Variants in NEK8 observed in about 807,000 individuals in gnomAD.
NEK8 encodes the protein serine/threonine-protein kinase Nek8.
A neutral mutation model predicts 77.2 loss-of-function variants in NEK8; 51 were observed. The observed-to-expected ratio is 0.66, with a 90% CI of 0.53 to 0.83. The LOEUF is 0.83. Among genes scored for constraint, NEK8 ranks in the 40% least tolerant of loss-of-function variants. NEK8 has a pLI of 0.00. For synonymous variants in NEK8, 365 were observed against 363.2 expected, an observed-to-expected ratio of 1.00 and a Z score of -0.06; for missense variants, 787 against 909.2, an observed-to-expected ratio of 0.87 and a Z score of 1.73.
Position 28,740,620 on chromosome 17 carries a change from A to G in NEK8, c.1568+7A>G. On this transcript the variant is annotated splice_region_variant and intron_variant, in intron 11 of 14. Coordinates refer to ENST00000268766, the MANE Select transcript of NEK8 (RefSeq NM_178170.3). This position sits in a 1 kb window ranked among gnomAD's most constrained non-coding sequence, Gnocchi z 4.7. ...TAGCCTGTGGGAGCAACAGGTGAAT[A>G]GATCATCAGGATGACTAACCTGCCC... 1 of 1,614,114 alleles carries G rather than the reference A, an allele frequency of 6.2e-7. No homozygotes were observed. Among genetic ancestry groups the G allele is most frequent in the Non-Finnish European group, 8.5e-7 (1 of 1,179,976 alleles).
rs786204782 is a variant in NEK8, at chr17:28,728,858, CG to C, written c.47+1del. The C allele has an allele frequency of 2.5e-5, 39 of 1,550,770 alleles. No individual in the cohort carries two copies. Among genetic ancestry groups the C allele is most frequent in the Non-Finnish European group, 3.1e-5 (36 of 1,146,282 alleles). ...RIRVVGRGAFGIVHLCLRKAD... is the reference protein window; with the variant it reads ...RIRVVGRGAFXIVHLCLRKAD... ...TCCGAGTGGTGGGGAGAGGTGCCTT[CG>C]GGTGAGCCAGGGCTCTGGGGGAGGA... On this transcript the variant is annotated frameshift_variant and splice_region_variant, in exon 1 of 15. Transcript: ENST00000268766. LOFTEE classifies it high-confidence loss of function.
At chr17:28,731,907 A>ATTT (rs2034311291) in intron 1 of NEK8, among the ~76,000 whole-genome samples, 2 of 85,954 alleles carry the variant, frequency 2.3e-5, no homozygotes, top group African/African-American at 4.8e-5. Flanking sequence ...GCCTGGCCCC[A>ATTT]ATTTTTTTTT....
intron 1 of NEK8, among the ~76,000 whole-genome samples, chr17:28,731,871 C>T (rs535366756): frequency 4.6e-4 from 66 of 144,870 alleles, no homozygotes; most frequent in Non-Finnish European, 8.5e-4. Context: ...TCCCAAAGGC[C>T]TGGGATTACA....
In NEK8 at chr17:28,739,139, C is replaced by A; in HGVS notation, c.1355C>A (p.Ala452Asp). 6.2e-7 allele frequency: 1 copy of A among 1,614,164 alleles called. No individual in the cohort carries two copies. The highest frequency in any genetic ancestry group is 8.5e-7 in the Non-Finnish European group (1 of 1,179,988). The change falls in exon 10 of 15, where the codon GCC (alanine) becomes GAC (aspartate). Residue 452 changes from alanine to aspartate, a missense_variant. Transcript: ENST00000268766. ...GAAATGGTGCAGGTGGCCTGTGGGG[C>A]CTCTCACGTGCTGGCCCTGTCCACT... ...GYEMVQVACG[A>D]SHVLALSTER...
At chr17:28,738,531 C>G in intron 8 of NEK8, 140 bp from the exon 9 acceptor site, 1 of 800,842 alleles carries the variant, frequency 1.2e-6, no homozygotes. Flanking sequence ...GGACTCATAT[C>G]CTTTTCTCTC....
In NEK8 at chr17:28,743,046, C is replaced by CT. The variant is rs1459921773; in HGVS notation, c.*1060dup. ...CGAGATCGCACCACTGCACTCCAGCCTGGATGACAGAGCAAGTCTCCCTCT... is the reference window on the plus strand; with the variant it reads ...CGAGATCGCACCACTGCACTCCAGCCTTGGATGACAGAGCAAGTCTCCCTCT... On this transcript the variant is annotated 3_prime_UTR_variant, in exon 15 of 15. Coordinates refer to ENST00000268766, the MANE Select transcript of NEK8 (RefSeq NM_178170.3). The CT allele has an allele frequency of 7.4e-6, 1 of 135,574 alleles. No individual in the cohort carries two copies. The highest frequency in any genetic ancestry group is 2.9e-5 in the African/African-American group (1 of 35,000). 8.4% of individuals were successfully genotyped at this position (135,574 alleles called of 1,614,324 possible).
At position 28,740,168 on chromosome 17, in the gene NEK8, C is replaced by T. The variant is rs536432079; in HGVS notation, c.1418-295C>T. ...GCATGGTGGTGCATGCCTGTAATCC[C>T]GGCTACTCAGGAGGCTGAGGCAGGA... is the stretch of plus-strand genomic sequence containing the variant. On this transcript the variant is annotated intron_variant, in intron 10 of 14. Coordinates refer to ENST00000268766, the MANE Select transcript of NEK8 (RefSeq NM_178170.3). This position sits in a 1 kb window ranked among gnomAD's most constrained non-coding sequence, Gnocchi z 4.7. Among the ~76,000 whole-genome samples, 5 of 152,078 alleles carry T rather than the reference C, an allele frequency of 3.3e-5. No homozygotes were observed. Among genetic ancestry groups the T allele is most frequent in the East Asian group, 1.9e-4 (1 of 5,182 alleles).
intron 1 of NEK8, among the ~76,000 whole-genome samples, chr17:28,730,761 A>T (rs1033719583): frequency 2.0e-5 from 3 of 151,604 alleles, no homozygotes; most frequent in Admixed American, 6.6e-5. Context: ...ACAAAAAAAT[A>T]AAAAAATTAG....
intron 1 of NEK8, among the ~76,000 whole-genome samples, chr17:28,731,028 G>A (rs1481359133): frequency 6.7e-6 from 1 of 150,294 alleles, no homozygotes; most frequent in Non-Finnish European, 1.5e-5. Context: ...CGAGGTGGTT[G>A]GATCACCTGA....
intron 4 of NEK8, among the ~76,000 whole-genome samples, chr17:28,736,554 T>C (rs2034367276): frequency 6.6e-6 from 1 of 152,282 alleles, no homozygotes. Context: ...ATGTGTCTTT[T>C]GGCTGCATAA....
At chr17:28,731,694 C>A (rs535310461) in intron 1 of NEK8, among the ~76,000 whole-genome samples, 2 of 151,122 alleles carry the variant, frequency 1.3e-5, no homozygotes, top group African/African-American at 2.4e-5. Context: ...AGCTCCGCCT[C>A]CCAGGTTCAC....
chr17:28,740,509 G>C lies in NEK8; in HGVS notation c.1464G>C (p.Gln488His), dbSNP rs200147224. 1 of 1,614,150 alleles carries C rather than the reference G, an allele frequency of 6.2e-7. No individual in the cohort carries two copies. The highest frequency in any genetic ancestry group is 1.6e-4 in the Middle Eastern group (1 of 6,062). ...GTRESHSCPQ[Q>H]VPMPPGQEAQ... is the part of the protein sequence containing the mutation. ...GGGAGTCCCACAGCTGCCCCCAGCA[G>C]GTGCCCATGCCCCCAGGACAGGAAG... Residue 488 changes from glutamine (Q) to histidine (H), a missense_variant, in exon 11 of 15, where the codon CAG becomes CAC. Coordinates refer to ENST00000268766, the MANE Select transcript of NEK8 (RefSeq NM_178170.3). This position sits in a 1 kb window ranked among gnomAD's most constrained non-coding sequence, Gnocchi z 4.7.
rs1016073125 is a variant in NEK8, at chr17:28,740,244, C to T, written c.1418-219C>T. Among the ~76,000 whole-genome samples, 1 of 152,074 alleles carries T rather than the reference C, an allele frequency of 6.6e-6. No homozygotes were observed. The highest frequency in any genetic ancestry group is 2.4e-5 in the African/African-American group (1 of 41,396). On this transcript the variant is annotated intron_variant, in intron 10 of 14. Transcript: ENST00000268766. This position sits in a 1 kb window ranked among gnomAD's most constrained non-coding sequence, Gnocchi z 4.7. ...GGTTGCAGTGAGTGAAGATCATACC[C>T]TTGTACTCCAGCCTTGGCGACAGAG... is the stretch of plus-strand genomic sequence containing the variant.
intron 1 of NEK8, among the ~76,000 whole-genome samples, chr17:28,729,658 T>C (rs1205900597): frequency 2.7e-5 from 4 of 150,298 alleles, no homozygotes; most frequent in Non-Finnish European, 5.9e-5. Flanking sequence ...TTCTCCTGCC[T>C]CAGCCTCCCG....
In NEK8 at chr17:28,741,756, G is replaced by C. The variant is rs2034425424; in HGVS notation, c.2050+185G>C. Reference sequence around the variant, plus strand: ...GGGTGGCCAAGGCTGGTGCTTCTTGGGCCTCATGGAAGGGCTGCCTCCACT... The same window carrying C: ...GGGTGGCCAAGGCTGGTGCTTCTTGCGCCTCATGGAAGGGCTGCCTCCACT... On this transcript the variant is annotated intron_variant, in intron 14 of 14. Coordinates refer to ENST00000268766, the MANE Select transcript of NEK8 (RefSeq NM_178170.3). This position sits in a 1 kb window ranked among gnomAD's most constrained non-coding sequence, Gnocchi z 4.5. Among the ~76,000 whole-genome samples the C allele has an allele frequency of 6.6e-6, 1 of 152,110 alleles. No individual in the cohort carries two copies. Among genetic ancestry groups the C allele is most frequent in the Non-Finnish European group, 1.5e-5 (1 of 68,014 alleles).
At position 28,742,743 on chromosome 17, in the gene NEK8, T is replaced by C. The variant is rs1004515193; in HGVS notation, c.*756T>C. 1 of 146,086 alleles carries C rather than the reference T, an allele frequency of 6.8e-6. No homozygotes were observed. The highest frequency in any genetic ancestry group is 1.5e-5 in the Non-Finnish European group (1 of 66,856). 9.0% of individuals were successfully genotyped at this position (146,086 alleles called of 1,614,324 possible). A position where few individuals can be genotyped will look rare whatever the true frequency, so the allele number is the denominator to read the frequency against. On this transcript the variant is annotated 3_prime_UTR_variant, in exon 15 of 15. Transcript: ENST00000268766. ...AGTTGGGAGACCAGCCTGGGGACCA[T>C]AGCGAGACCGCTGTCTCCACCAAAA...
chr17:28,738,054 G>T (rs1297433441), intron 7 of NEK8, 41 bp from the exon 8 acceptor site: 3 of 1,613,008 alleles, frequency 1.9e-6, no homozygotes, highest in South Asian at 1.1e-5. Context: ...CCACAGCAGG[G>T]TTGGGGTGCT....
intron 8 of NEK8, 74 bp from the exon 9 acceptor site, chr17:28,738,597 A>C: frequency 7.3e-7 from 1 of 1,364,952 alleles, no homozygotes; most frequent in Non-Finnish European, 1.0e-6. Context: ...GCTGCAACCC[A>C]CTGGAGGACC....
At position 28,738,091 on chromosome 17, in the gene NEK8, G is replaced by A. The variant is rs770032175; in HGVS notation, c.1072-4G>A. 4 of 1,613,096 alleles carry A rather than the reference G, an allele frequency of 2.5e-6. 1 individual carries two copies. The highest frequency in any genetic ancestry group is 3.4e-6 in the Non-Finnish European group (4 of 1,179,630). ...AGGCGCTGCCCATCCCCCTGCCCCT[G>A]CAGGCCCCACCCCTAGGTGCAGGCG... is the stretch of plus-strand genomic sequence containing the variant. On this transcript the variant is annotated splice_polypyrimidine_tract_variant and splice_region_variant and intron_variant, in intron 7 of 14. Transcript: ENST00000268766.
Sources: gnomAD v4.1 joint callset for allele counts (sites outside exome capture counted in the v4.1 genomes callset) on GRCh38, gnomAD v4.1.1 for gene constraint, Gnocchi (gnomAD v3.1) non-coding constraint, MANE v1.5 for transcripts, NCBI Gene and HGNC (gene_info 2026-07-23, HGNC 2026-07-21) for gene names.